The following ANAPC16 variants were observed in gnomAD, a reference collection of about 807,000 sequenced individuals.
ANAPC16 encodes the protein anaphase-promoting complex subunit 16.
Under a neutral mutation model 13.1 loss-of-function variants are expected in ANAPC16, and 6 were observed. The ratio of observed to expected loss-of-function variants is 0.46; its 90% confidence interval spans 0.25 to 0.90. ANAPC16 has a LOEUF of 0.90. ANAPC16 is among the 40% of genes least tolerant of loss of function. ANAPC16 has a pLI of 0.18. For synonymous variants in ANAPC16, 55 were observed against 51.3 expected (o/e 1.07, Z -0.31); for missense variants, 113 against 131.1 (o/e 0.86, Z 0.67).
At chr10:72,226,769 A>G (rs1477653065) in intron 2 of ANAPC16, among the ~76,000 whole-genome samples, 1 of 152,158 alleles carries the variant, frequency 6.6e-6, no homozygotes, top group African/African-American at 2.4e-5. Flanking sequence ...GCCCAAAATC[A>G]TTTGTGACAG....
intron 2 of ANAPC16, among the ~76,000 whole-genome samples, chr10:72,224,674 A>T (rs770124007): frequency 1.7e-4 from 25 of 150,472 alleles, no homozygotes; most frequent in Non-Finnish European, 1.5e-4. Context: ...CTCCTACTCC[A>T]GTTTGCTTTA....
chr10:72,230,879 C>T (rs995715709), intron 3 of ANAPC16, among the ~76,000 whole-genome samples: 2 of 152,022 alleles, frequency 1.3e-5, no homozygotes, highest in African/African-American at 2.4e-5. Flanking sequence ...CAACAGAGAC[C>T]CTGTCTGAAA....
At chr10:72,231,798 G>A (rs930942357) in intron 3 of ANAPC16, among the ~76,000 whole-genome samples, 3 of 151,958 alleles carry the variant, frequency 2.0e-5, no homozygotes, top group Non-Finnish European at 2.9e-5. Flanking sequence ...CTTGTGATCC[G>A]CCTGCCTTGG....
chr10:72,227,850 G>C (rs539115042), intron 2 of ANAPC16, among the ~76,000 whole-genome samples: 2 of 148,408 alleles, frequency 1.3e-5, no homozygotes, highest in African/African-American at 5.0e-5. Flanking sequence ...GACCAATATG[G>C]TGAAACCCCA....
At chr10:72,228,267 G>T (rs997683081) in intron 2 of ANAPC16, among the ~76,000 whole-genome samples, 1 of 152,124 alleles carries the variant, frequency 6.6e-6, no homozygotes, top group African/African-American at 2.4e-5. Context: ...GCAGCATACA[G>T]CAGTTTGCAG....
intron 1 of ANAPC16, among the ~76,000 whole-genome samples, chr10:72,221,029 G>A (rs905867620): frequency 7.9e-5 from 12 of 152,092 alleles, no homozygotes; most frequent in Non-Finnish European, 1.3e-4. Context: ...CTATTCTCCT[G>A]CCTCAGCCTT....
rs1276963254 is a variant in ANAPC16, at chr10:72,230,394, T to C, written c.171T>C (p.Ser57=). ...EDGSERFLCE[S]VFSYQVASTL... is the part of the protein sequence containing the mutation. The stretch of plus-strand genomic sequence containing the variant: ...GCTCTGAGAGATTCCTCTGCGAATC[T>C]GTTTTTAGCTATCAAGTGGCATCCA... The change falls in exon 3 of 4, where the codon TCT becomes TCC. Residue 57 remains serine (S), a synonymous_variant. Transcript: ENST00000299381. 4.3e-6 allele frequency: 7 copies of C among 1,614,046 alleles called. No individual in the cohort carries two copies. The highest frequency in any genetic ancestry group is 5.1e-6 in the Non-Finnish European group (6 of 1,180,014).
chr10:72,227,745 T>C lies in ANAPC16; in HGVS notation c.143-2621T>C, dbSNP rs538366583. On this transcript the variant is annotated intron_variant, in intron 2 of 3. Transcript: ENST00000299381. ...ATAATAGTTTAATAGAATATGAAAA[T>C]AGAGGCCGGGCACGGTGCCTCACGC... Among the ~76,000 whole-genome samples, 76 of 151,702 alleles carry C rather than the reference T, an allele frequency of 5.0e-4. No individual in the cohort carries two copies. The South Asian group carries it at 0.014, about 28-fold the overall frequency.
chr10:72,232,989 G>C lies in ANAPC16; in HGVS notation c.218-12G>C. On this transcript the variant is annotated splice_polypyrimidine_tract_variant and intron_variant, in intron 3 of 3. Coordinates refer to ENST00000299381, the MANE Select transcript of ANAPC16 (RefSeq NM_173473.4). ...CGTTGTTGCATAATATTCTTTCCTT[G>C]ACTCCTTACAGATCAGCAAGTTGCT... is the stretch of plus-strand genomic sequence containing the variant. 1.9e-6 allele frequency: 3 copies of C among 1,609,628 alleles called. No homozygotes were observed. Among genetic ancestry groups the C allele is most frequent in the Non-Finnish European group, 2.6e-6 (3 of 1,176,134 alleles).
At chr10:72,232,242 C>G (rs1334063207) in intron 3 of ANAPC16, among the ~76,000 whole-genome samples, 1 of 147,376 alleles carries the variant, frequency 6.8e-6, no homozygotes, top group Admixed American at 6.8e-5. Context: ...TAGAATAAGA[C>G]CCCATTATGA....
intron 3 of ANAPC16, among the ~76,000 whole-genome samples, chr10:72,230,839 C>T (rs555123883): frequency 2.6e-5 from 4 of 151,974 alleles, no homozygotes; most frequent in Non-Finnish European, 4.4e-5. Flanking sequence ...TGCAATGAGC[C>T]GGAATCACAG....
chr10:72,231,889 T>TA lies in ANAPC16; in HGVS notation c.218-1099dup, dbSNP rs369260827. ...TTAACATTAGAAGAAACTTCCAACT[T>TA]AAAAAAAAAAAAATAGGCCGGGCAC... is the stretch of plus-strand genomic sequence containing the variant. On this transcript the variant is annotated intron_variant, in intron 3 of 3. Transcript: ENST00000299381. 5.5e-3 allele frequency among the ~76,000 whole-genome samples: 775 copies of TA among 140,846 alleles called. 5 individuals carry two copies. The highest frequency in any genetic ancestry group is 9.1e-3 in the Non-Finnish European group (585 of 64,406). The allele number at this position is 140,846 out of a possible 152,430, so 92.4% of individuals were successfully genotyped here. A position where few individuals can be genotyped will look rare whatever the true frequency, so the allele number is the denominator to read the frequency against.
chr10:72,225,140 T>G (rs1319570725), intron 2 of ANAPC16, among the ~76,000 whole-genome samples: 1 of 151,832 alleles, frequency 6.6e-6, no homozygotes, highest in Non-Finnish European at 1.5e-5. Context: ...AAAAACTAGC[T>G]GGGCATGGTG....
At position 72,223,800 on chromosome 10, in the gene ANAPC16, T is replaced by C. The variant is rs558825352; in HGVS notation, c.-27-88T>C. ...AAGGGGAGCTAACTCTTTACAAAAC[T>C]GTATGCTGGCCCTTACAGCAGCTAG... On this transcript the variant is annotated intron_variant, in intron 1 of 3. Transcript: ENST00000299381. 17 of 1,078,344 alleles carry C rather than the reference T, an allele frequency of 1.6e-5. 1 individual carries two copies. In the East Asian group the frequency reaches 3.9e-4, roughly 25 times the overall value. The allele number at this position is 1,078,344 out of a possible 1,614,324, so 66.8% of individuals were successfully genotyped here. A position where few individuals can be genotyped will look rare whatever the true frequency, so the allele number is the denominator to read the frequency against.
intron 2 of ANAPC16, among the ~76,000 whole-genome samples, chr10:72,229,295 A>G (rs1372089088): frequency 6.7e-6 from 1 of 148,520 alleles, no homozygotes; most frequent in East Asian, 2.0e-4. Context: ...TATATATTCA[A>G]GCTCTTTGGA....
At chr10:72,219,318 C>T (rs936164920) in intron 1 of ANAPC16, among the ~76,000 whole-genome samples, 8 of 152,176 alleles carry the variant, frequency 5.3e-5, no homozygotes, top group African/African-American at 1.9e-4. Context: ...TGTATTTTGA[C>T]CCAGTGTAGT....
chr10:72,218,145 C>CAAAAAAAAA lies in ANAPC16; in HGVS notation c.-28+2020_-28+2028dup, dbSNP rs142932037. Among the ~76,000 whole-genome samples, 7 of 34,880 alleles carry CAAAAAAAAA rather than the reference C, an allele frequency of 2.0e-4. 1 individual carries two copies. Among genetic ancestry groups the CAAAAAAAAA allele is most frequent in the African/African-American group, 1.7e-3 (7 of 4,216 alleles). 22.9% of individuals were successfully genotyped at this position (34,880 alleles called of 152,430 possible). On this transcript the variant is annotated intron_variant, in intron 1 of 3. Transcript: ENST00000299381. ...GGGCAACAAGAGTGAAACTCTGTCT[C>CAAAAAAAAA]AAAAAAAAAAAAAAAAAAAAATATA...
intron 1 of ANAPC16, chr10:72,216,961 A>G (rs962914761): frequency 1.5e-5 from 7 of 456,050 alleles, no homozygotes; most frequent in Admixed American, 4.7e-5. Flanking sequence ...AAAAAAATCC[A>G]TAATGATCCA....
At chr10:72,231,387 C>A (rs1256014458) in intron 3 of ANAPC16, among the ~76,000 whole-genome samples, 1 of 151,874 alleles carries the variant, frequency 6.6e-6, no homozygotes, top group East Asian at 1.9e-4. Flanking sequence ...AAAGAAAATA[C>A]AAAAATTAGT....
Sources: allele counts gnomAD v4.1 joint callset (sites outside exome capture counted in the v4.1 genomes callset), GRCh38; gene constraint gnomAD v4.1.1; transcripts MANE v1.5; gene names NCBI Gene and HGNC (gene_info 2026-07-23, HGNC 2026-07-21).